ELP2: variants seen among roughly 807,000 people sequenced by gnomAD.
The protein encoded by ELP2 is elongator complex protein 2.
In ELP2, 90 loss-of-function variants were observed where a neutral mutation model predicts 119.2. That is an observed-to-expected ratio of 0.75 (90% CI 0.64 to 0.90). ELP2 has a LOEUF of 0.90. Ranked by LOEUF, ELP2 falls within the 40% of genes least tolerant of loss-of-function variation. ELP2 has a pLI of 0.00. For synonymous variants in ELP2, 339 were observed against 331.0 expected (o/e 1.02, Z -0.26); for missense variants, 921 against 967.8 (o/e 0.95, Z 0.64).
intron 19 of ELP2, among the ~76,000 whole-genome samples, chr18:36,169,536 G>T (rs536839292): frequency 2.6e-5 from 4 of 151,668 alleles, no homozygotes; most frequent in Admixed American, 2.6e-4. Flanking sequence ...ACAGGCACCC[G>T]CCACCACGCC....
At chr18:36,162,486 T>G (rs2090770403) in intron 17 of ELP2, among the ~76,000 whole-genome samples, 1 of 152,218 alleles carries the variant, frequency 6.6e-6, no homozygotes, top group African/African-American at 2.4e-5. Context: ...ACATTTGGGT[T>G]GTTTTCCAGT....
intron 3 of ELP2, chr18:36,136,659 A>G (rs768726344): frequency 1.4e-4 from 49 of 358,100 alleles, no homozygotes; most frequent in Non-Finnish European, 2.1e-4. Context: ...TTCTTCAACT[A>G]TGTTGTTCTT....
intron 16 of ELP2, 36 bp downstream of exon 16, chr18:36,160,051 C>T (rs764981315): frequency 1.2e-6 from 2 of 1,602,778 alleles, no homozygotes; most frequent in Admixed American, 3.3e-5. Flanking sequence ...TGGTCTGATT[C>T]TGTCGTAACT....
At chr18:36,153,114 C>G (rs1477974482) in intron 11 of ELP2, among the ~76,000 whole-genome samples, 2 of 152,308 alleles carry the variant, frequency 1.3e-5, no homozygotes, top group South Asian at 2.1e-4. Context: ...CTTGTACTTT[C>G]ATTTTAGCCA....
intron 21 of ELP2, among the ~76,000 whole-genome samples, chr18:36,171,575 C>G (rs2091083273): frequency 6.6e-6 from 1 of 152,230 alleles, no homozygotes; most frequent in East Asian, 1.9e-4. Flanking sequence ...GTGGAGCTTT[C>G]AGGCATAGCA....
At chr18:36,165,286 AAAAG>A (rs982923902) in intron 18 of ELP2, 1 of 152,376 alleles carries the variant, frequency 6.6e-6, no homozygotes, top group Non-Finnish European at 1.5e-5. Flanking sequence ...GAAAAAAAAA[AAAAG>A]AGGACTAAAA....
intron 1 of ELP2, among the ~76,000 whole-genome samples, chr18:36,130,838 G>C (rs1443835012): frequency 3.3e-5 from 5 of 152,156 alleles, no homozygotes; most frequent in Admixed American, 6.5e-5. Context: ...ATGGCTATAT[G>C]TATTTCTGTT....
intron 21 of ELP2, among the ~76,000 whole-genome samples, chr18:36,171,395 A>G (rs949809892): frequency 1.3e-5 from 2 of 152,226 alleles, no homozygotes; most frequent in African/African-American, 4.8e-5. Context: ...TATTATTTTT[A>G]TAAACAACCA....
In ELP2 at chr18:36,149,483, G is replaced by GTTTTTTTTTTTTTTTTTTT. The variant is rs561853812; in HGVS notation, c.1125+3106_1125+3107insTTTTTTTTTTTTTTTTTTT. Among the ~76,000 whole-genome samples, 21 of 101,826 alleles carry GTTTTTTTTTTTTTTTTTTT rather than the reference G, an allele frequency of 2.1e-4. 4 individuals are homozygous for GTTTTTTTTTTTTTTTTTTT. The highest frequency in any genetic ancestry group is 1.0e-3 in the South Asian group (3 of 2,952). 66.8% of individuals were successfully genotyped at this position (101,826 alleles called of 152,430 possible). A position where few individuals can be genotyped will look rare whatever the true frequency, so the allele number is the denominator to read the frequency against. On this transcript the variant is annotated intron_variant, in intron 11 of 21. Transcript: ENST00000358232. ...ACATAGTTGCAGGGTTTTTTGTTTTGTTTTGTTTTTTTTTTTTTTGCTTAG... is the reference window on the plus strand; with the variant it reads ...ACATAGTTGCAGGGTTTTTTGTTTTGTTTTTTTTTTTTTTTTTTTTTTTGTTTTTTTTTTTTTTGCTTAG...
chr18:36,138,930 A>C (rs1267068171), intron 5 of ELP2, 58 bp downstream of exon 5: 22 of 1,282,004 alleles, frequency 1.7e-5, no homozygotes, highest in Non-Finnish European at 2.5e-5. Context: ...CTGTCATATG[A>C]TTAGAACCTA....
chr18:36,150,871 A>G (rs2090374532), intron 11 of ELP2, among the ~76,000 whole-genome samples: 3 of 152,282 alleles, frequency 2.0e-5, no homozygotes, highest in East Asian at 3.9e-4. Flanking sequence ...AAATATGCCA[A>G]CTTTCATAAT....
chr18:36,147,753 A>T (rs1447140545), intron 11 of ELP2, among the ~76,000 whole-genome samples: 1 of 152,170 alleles, frequency 6.6e-6, no homozygotes, highest in Non-Finnish European at 1.5e-5. Flanking sequence ...GGCTTAAATG[A>T]GTTAACATTT....
At chr18:36,163,275 G>GTGTGTGTGTGT (rs1555644860) in intron 17 of ELP2, among the ~76,000 whole-genome samples, 29,075 of 145,272 alleles carry the variant, frequency 0.2, 3,173 homozygotes, top group South Asian at 0.32. Flanking sequence ...GTTCATGGGG[G>GTGTGTGTGTGT]GTGTGTGTGT....
intron 14 of ELP2, 52 bp downstream of exon 14, chr18:36,158,956 A>C (rs1246238750): frequency 8.1e-7 from 1 of 1,233,808 alleles, no homozygotes; most frequent in African/African-American, 1.5e-5. Context: ...CTTAAACCCC[A>C]GTCATACACT....
At chr18:36,143,341 C>T (rs1035605340) in intron 8 of ELP2, among the ~76,000 whole-genome samples, 6 of 151,466 alleles carry the variant, frequency 4.0e-5, no homozygotes, top group South Asian at 2.1e-4. Flanking sequence ...AGGCTGGTCT[C>T]GAACTCCTGA....
At chr18:36,167,838 C>G (rs1467905447) in intron 19 of ELP2, among the ~76,000 whole-genome samples, 1 of 152,040 alleles carries the variant, frequency 6.6e-6, no homozygotes, top group Non-Finnish European at 1.5e-5. Context: ...CACCACCATG[C>G]CCAGCCAATG....
chr18:36,166,814 T>A (rs1326099910), intron 18 of ELP2: 1 of 227,342 alleles, frequency 4.4e-6, no homozygotes, highest in Non-Finnish European at 8.4e-6. Context: ...AGCTTCAGGC[T>A]TCTTCTGTAG....
chr18:36,138,186 A>G (rs1170870675), intron 3 of ELP2, 84 bp from the exon 4 acceptor site: 109 of 1,481,916 alleles, frequency 7.4e-5, no homozygotes, highest in Non-Finnish European at 9.5e-5. Context: ...TGGCTCAGCC[A>G]TTTTATTGGC....
chr18:36,149,483 G>GTTTTTTTTTTTTTTTTTTTTT lies in ELP2; in HGVS notation c.1125+3106_1125+3107insTTTTTTTTTTTTTTTTTTTTT, dbSNP rs561853812. On this transcript the variant is annotated intron_variant, in intron 11 of 21. Coordinates refer to ENST00000358232, the MANE Select transcript of ELP2 (RefSeq NM_018255.4). ...ACATAGTTGCAGGGTTTTTTGTTTT[G>GTTTTTTTTTTTTTTTTTTTTT]TTTTGTTTTTTTTTTTTTTGCTTAG... Among the ~76,000 whole-genome samples, 6 of 101,816 alleles carry GTTTTTTTTTTTTTTTTTTTTT rather than the reference G, an allele frequency of 5.9e-5. 1 individual carries two copies. The highest frequency in any genetic ancestry group is 1.1e-4 in the African/African-American group (3 of 26,868). 66.8% of individuals were successfully genotyped at this position (101,816 alleles called of 152,430 possible). A position where few individuals can be genotyped will look rare whatever the true frequency, so the allele number is the denominator to read the frequency against.
Sources: allele counts gnomAD v4.1 joint callset (sites outside exome capture counted in the v4.1 genomes callset), GRCh38; gene constraint gnomAD v4.1.1; transcripts MANE v1.5; gene names NCBI Gene and HGNC (gene_info 2026-07-23, HGNC 2026-07-21).